Variants in PARD3 observed in about 807,000 individuals in gnomAD.
PARD3 encodes the protein par-3 family cell polarity regulator, also known as partitioning defective 3 homolog.
PARD3 carries 75 observed loss-of-function variants against 155.4 expected under a neutral mutation model. The ratio of observed to expected loss-of-function variants is 0.48; its 90% CI spans 0.40 to 0.58. PARD3 has a LOEUF of 0.58. Among genes scored for constraint, PARD3 ranks in the 20% least tolerant of loss-of-function variants. The pLI, the probability that PARD3 is intolerant of heterozygous loss-of-function variation, is 0.00. For missense variants in PARD3, 1,642 were observed against 1,721.7 expected, an observed-to-expected ratio of 0.95 and a Z score of 0.82; for synonymous variants, 576 against 610.5, an observed-to-expected ratio of 0.94 and a Z score of 0.83.
intron 22 of PARD3, among the ~76,000 whole-genome samples, chr10:34,177,631 C>T (rs1006307891): frequency 5.3e-5 from 8 of 152,164 alleles, no homozygotes; most frequent in African/African-American, 1.9e-4. Context: ...AACCTCAACC[C>T]ACTGGGCAAT....
chr10:34,201,091 A>T (rs1299854759), intron 22 of PARD3, among the ~76,000 whole-genome samples: 1 of 152,178 alleles, frequency 6.6e-6, no homozygotes, highest in Admixed American at 6.5e-5. Context: ...AAGGCATGGG[A>T]TCTAGAGACA....
chr10:34,523,637 G>A (rs1198038122), intron 2 of PARD3, among the ~76,000 whole-genome samples: 1 of 152,106 alleles, frequency 6.6e-6, no homozygotes, highest in African/African-American at 2.4e-5. Context: ...GAGATGACAG[G>A]GAGATGTCAT....
At chr10:34,703,195 C>A (rs1424409981) in intron 1 of PARD3, among the ~76,000 whole-genome samples, 1 of 149,410 alleles carries the variant, frequency 6.7e-6, no homozygotes, top group Non-Finnish European at 1.5e-5. Flanking sequence ...CCAGCCTGGG[C>A]AACACAGCAA....
chr10:34,501,286 T>G (rs1044523984), intron 3 of PARD3, among the ~76,000 whole-genome samples: 2 of 152,114 alleles, frequency 1.3e-5, no homozygotes, highest in Non-Finnish European at 2.9e-5. Context: ...TCTCAGGATA[T>G]CTGATCATTT....
intron 22 of PARD3, among the ~76,000 whole-genome samples, chr10:34,145,175 T>TTGTGTG (rs756883064): frequency 1.7e-5 from 2 of 115,140 alleles, no homozygotes; most frequent in African/African-American, 7.4e-5. Context: ...CAACTCTTCA[T>TTGTGTG]TGTGTGTGTG....
rs190768852 is a variant in PARD3, at chr10:34,119,577, G to A, written c.3668+36C>T. On this transcript the variant is annotated intron_variant, in intron 24 of 24. Transcript: ENST00000374788. Reference sequence around the variant, plus strand: ...AAAGGGCGGGGGATCTTAAAGGGCCGGGGGGATCTGGAGGCTCGGCCAAGC... The same window carrying A: ...AAAGGGCGGGGGATCTTAAAGGGCCAGGGGGATCTGGAGGCTCGGCCAAGC... 9,044 of 1,564,790 alleles carry A rather than the reference G, an allele frequency of 5.8e-3. 45 individuals are homozygous for A. The highest frequency in any genetic ancestry group is 7.4e-3 in the Non-Finnish European group (8,476 of 1,147,166).
chr10:34,145,219 A>ATTTTTTTTT (rs1482241627), intron 22 of PARD3, among the ~76,000 whole-genome samples: 5 of 53,536 alleles, frequency 9.3e-5, no homozygotes, highest in Non-Finnish European at 9.8e-5. Flanking sequence ...ATATATATAT[A>ATTTTTTTTT]TATTTTTTTT....
chr10:34,737,156 G>A (rs1396673924), intron 1 of PARD3, among the ~76,000 whole-genome samples: 1 of 152,228 alleles, frequency 6.6e-6, no homozygotes, highest in Non-Finnish European at 1.5e-5. Context: ...GGGGTCTGCA[G>A]TATTGACCTG....
intron 7 of PARD3, among the ~76,000 whole-genome samples, chr10:34,394,594 G>C (rs182100434): frequency 6.6e-6 from 1 of 152,252 alleles, no homozygotes; most frequent in East Asian, 1.9e-4. Context: ...CAAAAGTACT[G>C]GGATTACATG....
intron 22 of PARD3, among the ~76,000 whole-genome samples, chr10:34,242,281 A>G (rs918757178): frequency 1.3e-5 from 2 of 152,182 alleles, no homozygotes; most frequent in African/African-American, 2.4e-5. Flanking sequence ...ATGCCTGTTT[A>G]TAAATTTATT....
intron 6 of PARD3, 108 bp from the exon 7 acceptor site, chr10:34,399,521 CAA>C: frequency 1.4e-6 from 1 of 727,928 alleles, no homozygotes; most frequent in African/African-American, 1.8e-5. Context: ...CAATAAACAA[CAA>C]AAGAGAACAG....
chr10:34,725,505 C>CGAAG lies in PARD3; in HGVS notation c.121-29087_121-29086insCTTC, dbSNP rs1485119890. On this transcript the variant is annotated intron_variant, in intron 1 of 24. Coordinates refer to ENST00000374788, the MANE Select transcript of PARD3 (RefSeq NM_001184785.2). The stretch of plus-strand genomic sequence containing the variant: ...AATAGCTCAAGGCATTCAGTCACTG[C>CGAAG]TAAGTATTCGTTGCCATTCTGATAA... Among the ~76,000 whole-genome samples the CGAAG allele has an allele frequency of 2.6e-5, 4 of 152,086 alleles. No homozygotes were observed. In the East Asian group the frequency reaches 7.7e-4, roughly 29 times the overall value.
At chr10:34,365,406 A>G (rs1372944555) in intron 12 of PARD3, among the ~76,000 whole-genome samples, 1 of 152,184 alleles carries the variant, frequency 6.6e-6, no homozygotes, top group Non-Finnish European at 1.5e-5. Context: ...ACACCCATCA[A>G]AAACCTCCAT....
chr10:34,678,305 T>A (rs950496138), intron 2 of PARD3, among the ~76,000 whole-genome samples: 12 of 152,064 alleles, frequency 7.9e-5, no homozygotes, highest in Non-Finnish European at 5.9e-5. Flanking sequence ...AACTTCTAGG[T>A]TCAAGTGATC....
chr10:34,526,083 A>C (rs1655420113), intron 2 of PARD3, among the ~76,000 whole-genome samples: 1 of 63,846 alleles, frequency 1.6e-5, no homozygotes, highest in African/African-American at 1.5e-4. Context: ...TCCGTATCAA[A>C]AAAAAAAAAA....
At chr10:34,455,749 A>G (rs2077302618) in intron 4 of PARD3, among the ~76,000 whole-genome samples, 2 of 152,166 alleles carry the variant, frequency 1.3e-5, no homozygotes, top group South Asian at 4.1e-4. Flanking sequence ...GGAAACCCAG[A>G]ATTTTATTCC....
At chr10:34,681,547 A>ACTTTACATACCTTACTT (rs2093819931) in intron 2 of PARD3, among the ~76,000 whole-genome samples, 1 of 150,958 alleles carries the variant, frequency 6.6e-6, no homozygotes, top group African/African-American at 2.4e-5. Flanking sequence ...GAAAAAAAGG[A>ACTTTACATACCTTACTT]TACAAAACTT....
chr10:34,451,797 A>C (rs1384591287), intron 4 of PARD3, among the ~76,000 whole-genome samples: 1 of 151,026 alleles, frequency 6.6e-6, no homozygotes, highest in Non-Finnish European at 1.5e-5. Flanking sequence ...TTTAATAGAA[A>C]TGGTAAGGAG....
At chr10:34,627,255 T>G (rs373672361) in intron 2 of PARD3, among the ~76,000 whole-genome samples, 2 of 152,160 alleles carry the variant, frequency 1.3e-5, no homozygotes, top group African/African-American at 4.8e-5. Context: ...CTTGAACTCC[T>G]GAGCTCAAGC....
Sources: gnomAD v4.1 joint callset for allele counts (sites outside exome capture counted in the v4.1 genomes callset) on GRCh38, gnomAD v4.1.1 for gene constraint, MANE v1.5 for transcripts, NCBI Gene and HGNC (gene_info 2026-07-23, HGNC 2026-07-21) for gene names.